Variants in KIAA1549L observed in about 807,000 individuals in gnomAD.
The protein encoded by KIAA1549L is UPF0606 protein KIAA1549L.
Under a neutral mutation model 160.7 loss-of-function variants are expected in KIAA1549L, and 88 were observed. The ratio of observed to expected loss-of-function variants is 0.55; its 90% CI spans 0.46 to 0.65. The LOEUF (loss-of-function observed/expected upper bound fraction) is 0.65, where lower values mean the gene tolerates loss of function less well. KIAA1549L is among the 30% of genes least tolerant of loss of function. KIAA1549L has a pLI of 0.00. For missense variants in KIAA1549L, 2,258 were observed against 2,437.5 expected (o/e 0.93, Z 1.55); for synonymous variants, 950 against 976.7 (o/e 0.97, Z 0.51).
chr11:33,636,719 G>A (rs1301263536), intron 16 of KIAA1549L, among the ~76,000 whole-genome samples: 2 of 152,122 alleles, frequency 1.3e-5, no homozygotes, highest in Non-Finnish European at 2.9e-5. Context: ...ATTTCTCACT[G>A]TGCCTAATTT....
intron 1 of KIAA1549L, among the ~76,000 whole-genome samples, chr11:33,459,390 G>A (rs1314704052): frequency 6.6e-6 from 1 of 152,132 alleles, no homozygotes; most frequent in Non-Finnish European, 1.5e-5. Flanking sequence ...TTGCACATGT[G>A]GATCCATTAC....
intron 1 of KIAA1549L, among the ~76,000 whole-genome samples, chr11:33,440,351 C>G (rs906224420): frequency 1.2e-4 from 18 of 151,192 alleles, no homozygotes; most frequent in Admixed American, 1.2e-3. Flanking sequence ...GGGATGGTCT[C>G]GATCTCCTGA....
chr11:33,545,111 T>G lies in KIAA1549L; in HGVS notation c.3118T>G (p.Tyr1040Asp). 1 of 1,613,974 alleles carries G rather than the reference T, an allele frequency of 6.2e-7. No homozygotes were observed. The highest frequency in any genetic ancestry group is 8.5e-7 in the Non-Finnish European group (1 of 1,179,870). Reference protein sequence around the residue: ...DTASGLLSTTYLPRKPQAMHT... With the variant: ...DTASGLLSTTDLPRKPQAMHT... ...TGCCTCTGGCCTGTTGTCTACAACT[T>G]ACCTCCCCAGGAAACCACAAGCCAT... is the stretch of plus-strand genomic sequence containing the variant. Residue 1040 changes from tyrosine to aspartate, a missense_variant, in exon 3 of 21, where the codon TAC becomes GAC. Tyr to Asp is a radical substitution (Grantham distance 160). Coordinates refer to ENST00000658780, the MANE Select transcript of KIAA1549L (RefSeq NM_012194.3).
chr11:33,542,876 C>T lies in KIAA1549L; in HGVS notation c.1313C>T (p.Ser438Phe). 1 of 1,614,022 alleles carries T rather than the reference C, an allele frequency of 6.2e-7. No individual in the cohort carries two copies. The highest frequency in any genetic ancestry group is 1.1e-5 in the South Asian group (1 of 91,072). The part of the protein sequence containing the change: ...AIEMTSRKLA[S>F]ATANDSANPL... ...GAAATGACCAGCAGAAAGCTAGCCT[C>T]TGCCACTGCAAATGACTCTGCTAAC... The change falls in exon 2 of 21, where the codon TCT (serine) becomes TTT (phenylalanine). Residue 438 changes from serine to phenylalanine, a missense_variant. Physicochemically the swap from Ser to Phe is radical, Grantham distance 155 (BLOSUM62 -2). Around this residue, in one of 6 missense-constraint regions of KIAA1549L, gnomAD observed 540 missense variants for 465.7 expected, o/e 1.16. Coordinates refer to ENST00000658780, the MANE Select transcript of KIAA1549L (RefSeq NM_012194.3).
At chr11:33,526,972 T>A (rs922626521) in intron 1 of KIAA1549L, among the ~76,000 whole-genome samples, 2 of 152,150 alleles carry the variant, frequency 1.3e-5, no homozygotes, top group Non-Finnish European at 2.9e-5. Context: ...CAATCATAAC[T>A]TTTGGAAATG....
chr11:33,639,684 C>T lies in KIAA1549L; in HGVS notation c.5410-6002C>T, dbSNP rs1330957758. Among the ~76,000 whole-genome samples the T allele has an allele frequency of 5.3e-5, 8 of 152,262 alleles. No individual in the cohort carries two copies. In the South Asian group the frequency reaches 6.2e-4, roughly 12 times the overall value. ...CCTCTGGAGTAGCTGGGATCACAGG[C>T]GCGCGCTACCTCGCCTGGCTAATTT... On this transcript the variant is annotated intron_variant, in intron 16 of 20. Transcript: ENST00000658780.
chr11:33,522,938 T>C (rs933628641), intron 1 of KIAA1549L, among the ~76,000 whole-genome samples: 4 of 152,136 alleles, frequency 2.6e-5, no homozygotes, highest in Non-Finnish European at 5.9e-5. Context: ...ACATTTGTTA[T>C]AGCATTTTAC....
chr11:33,498,986 C>T (rs946991493), intron 1 of KIAA1549L, among the ~76,000 whole-genome samples: 10 of 152,142 alleles, frequency 6.6e-5, no homozygotes, highest in African/African-American at 1.9e-4. Flanking sequence ...TGCAGGTTGT[C>T]GAACCAAAGC....
Position 33,670,783 on chromosome 11 carries a change from G to A in KIAA1549L, c.*2629G>A, listed in dbSNP as rs566368293. 1.3e-5 allele frequency: 2 copies of A among 152,374 alleles called. No homozygotes were observed. Among genetic ancestry groups the A allele is most frequent in the East Asian group, 3.9e-4 (2 of 5,182 alleles). 9.4% of individuals were successfully genotyped at this position (152,374 alleles called of 1,614,324 possible). A position where few individuals can be genotyped will look rare whatever the true frequency, so the allele number is the denominator to read the frequency against. ...GGAGGCAGCAATGAACAAACACCCT[G>A]TTCATCAGAACCCTCTAGATAGTCA... On this transcript the variant is annotated 3_prime_UTR_variant, in exon 21 of 21. Coordinates refer to ENST00000658780, the MANE Select transcript of KIAA1549L (RefSeq NM_012194.3).
chr11:33,501,491 C>T (rs960412523), intron 1 of KIAA1549L, among the ~76,000 whole-genome samples: 7 of 152,088 alleles, frequency 4.6e-5, no homozygotes, highest in Non-Finnish European at 1.0e-4. Flanking sequence ...ATTCCAGGAA[C>T]TGTATTTGGT....
intron 1 of KIAA1549L, among the ~76,000 whole-genome samples, chr11:33,485,843 T>C (rs1007509720): frequency 2.0e-5 from 3 of 152,168 alleles, no homozygotes; most frequent in Admixed American, 6.5e-5. Flanking sequence ...AGTTCGACTT[T>C]TTTAGACTTT....
chr11:33,598,888 C>T lies in KIAA1549L; in HGVS notation c.4820C>T (p.Ser1607Leu). The T allele has an allele frequency of 6.2e-7, 1 of 1,613,908 alleles. No individual in the cohort carries two copies. The highest frequency in any genetic ancestry group is 1.3e-5 in the African/African-American group (1 of 75,036). ...ESGKPSSGRR[S>L]PQNVMAQQKV... Reference sequence around the variant, plus strand: ...GGGAAGCCCAGCTCAGGGAGACGCTCACCCCAGAATGTAATGGCACAGCAG... The same window carrying T: ...GGGAAGCCCAGCTCAGGGAGACGCTTACCCCAGAATGTAATGGCACAGCAG... Residue 1607 changes from serine (S) to leucine (L), a missense_variant, in exon 13 of 21, where the codon TCA becomes TTA. By Grantham distance (145) the Ser-to-Leu change is moderately radical. Transcript: ENST00000658780.
At chr11:33,412,230 ATATTT>A (rs1440598587) in intron 1 of KIAA1549L, among the ~76,000 whole-genome samples, 5 of 152,220 alleles carry the variant, frequency 3.3e-5, no homozygotes, top group African/African-American at 1.2e-4. Context: ...TCTTACATGA[ATATTT>A]TATATGAACT....
At chr11:33,398,731 C>T (rs1454972280) in intron 1 of KIAA1549L, among the ~76,000 whole-genome samples, 1 of 152,146 alleles carries the variant, frequency 6.6e-6, no homozygotes, top group East Asian at 1.9e-4. Context: ...GATATCTTTC[C>T]TTTCATCTTT....
intron 1 of KIAA1549L, among the ~76,000 whole-genome samples, chr11:33,395,348 G>T (rs1850352270): frequency 2.6e-5 from 4 of 152,174 alleles, no homozygotes; most frequent in Admixed American, 2.0e-4. Flanking sequence ...AGTAGGTTGG[G>T]TGCTATCTCA....
chr11:33,498,685 C>T (rs1245781164), intron 1 of KIAA1549L, among the ~76,000 whole-genome samples: 1 of 152,140 alleles, frequency 6.6e-6, no homozygotes, highest in Non-Finnish European at 1.5e-5. Context: ...ATTGTCAAAG[C>T]AATAACAAGG....
chr11:33,557,562 T>A (rs1332344157), intron 6 of KIAA1549L, among the ~76,000 whole-genome samples: 1 of 152,096 alleles, frequency 6.6e-6, no homozygotes, highest in African/African-American at 2.4e-5. Context: ...CAGTTTATTG[T>A]TAGTCATGGG....
At chr11:33,658,670 G>T (rs1383233575) in intron 18 of KIAA1549L, 80 bp from the exon 19 acceptor site, 3 of 1,443,074 alleles carry the variant, frequency 2.1e-6, no homozygotes, top group Non-Finnish European at 2.8e-6. Flanking sequence ...ATGCCCAAAG[G>T]TGACGGGGCG....
chr11:33,521,645 C>T (rs1006387131), intron 1 of KIAA1549L, among the ~76,000 whole-genome samples: 2 of 152,182 alleles, frequency 1.3e-5, no homozygotes, highest in African/African-American at 4.8e-5. Context: ...GTGGCAGACA[C>T]ACGTGGCATC....
Sources: allele counts gnomAD v4.1 joint callset (sites outside exome capture counted in the v4.1 genomes callset), GRCh38; gene constraint gnomAD v4.1.1; regional missense constraint gnomAD v4.1.1; transcripts MANE v1.5; gene names NCBI Gene and HGNC (gene_info 2026-07-23, HGNC 2026-07-21).